The following NID2 variants were observed in gnomAD, a reference collection of about 807,000 sequenced individuals.
NID2 encodes the protein nidogen 2, also known as nidogen-2.
Under a neutral mutation model 145.4 loss-of-function variants are expected in NID2, and 83 were observed. The observed-to-expected ratio is 0.57, with a 90% CI of 0.48 to 0.69. The LOEUF is 0.69. Among genes scored for constraint, NID2 ranks in the 30% least tolerant of loss-of-function variants. The pLI is 0.00. For missense variants in NID2, 1,807 were observed against 1,765.7 expected (o/e 1.02, Z -0.42); for synonymous variants, 739 against 701.3 (o/e 1.05, Z -0.85).
rs1177011291 is a variant in NID2 at position 52,060,271 on chromosome 14, A to G, written c.620T>C (p.Leu207Pro). 6.2e-7 allele frequency: 1 copy of G among 1,613,804 alleles called. No homozygotes were observed. Among genetic ancestry groups the G allele is most frequent in the Non-Finnish European group, 8.5e-7 (1 of 1,179,940 alleles). Residue 207 changes from leucine to proline, a missense_variant, in exon 3 of 22, where the codon CTT (leucine) becomes CCT (proline). Physicochemically the swap from Leu to Pro is moderately conservative, Grantham distance 98. Transcript: ENST00000216286. Reference protein sequence around the residue: ...FLYPANGLQFLGTRPKESYNV... With the variant: ...FLYPANGLQFPGTRPKESYNV... ...GTAAGACTCTTTGGGGCGGGTTCCAAGGAACTGCAGGCCGTTGGCAGGATA... is the reference window on the plus strand; with the variant it reads ...GTAAGACTCTTTGGGGCGGGTTCCAGGGAACTGCAGGCCGTTGGCAGGATA...
intron 5 of NID2, among the ~76,000 whole-genome samples, chr14:52,044,642 T>C (rs1326434135): frequency 1.3e-5 from 2 of 152,006 alleles, no homozygotes; most frequent in Non-Finnish European, 2.9e-5. Context: ...AGACAGGGTT[T>C]TGCTCTGTCA....
intron 9 of NID2, among the ~76,000 whole-genome samples, chr14:52,035,854 G>GTATACATATATATATATATATGTA (rs1222696644): frequency 5.5e-5 from 2 of 36,078 alleles, no homozygotes; most frequent in African/African-American, 2.1e-4. Flanking sequence ...AAATTTTTTT[G>GTATACATATATATATATATATGTA]TGTATATATA....
chr14:52,061,022 G>A (rs773128324), intron 2 of NID2, among the ~76,000 whole-genome samples: 5 of 152,168 alleles, frequency 3.3e-5, no homozygotes, highest in Non-Finnish European at 5.9e-5. Flanking sequence ...GCCAGCTCTA[G>A]AGCCCACACC....
intron 13 of NID2, 141 bp from the exon 14 acceptor site, chr14:52,019,435 T>A: frequency 1.6e-6 from 1 of 626,460 alleles, no homozygotes; most frequent in South Asian, 2.4e-5. Context: ...ACCTTGCCAC[T>A]ATTTACCTCA....
chr14:52,021,815 A>G (rs920708492), intron 12 of NID2, among the ~76,000 whole-genome samples: 4 of 152,136 alleles, frequency 2.6e-5, no homozygotes, highest in East Asian at 1.9e-4. Context: ...AAATCAACCA[A>G]TGTTGTCATA....
chr14:52,049,488 G>A (rs1892617109), intron 5 of NID2, among the ~76,000 whole-genome samples: 1 of 151,974 alleles, frequency 6.6e-6, no homozygotes, highest in African/African-American at 2.4e-5. Flanking sequence ...GGGTTCACTG[G>A]GCCAACACAG....
At chr14:52,059,179 G>C (rs1892947918) in intron 3 of NID2, among the ~76,000 whole-genome samples, 2 of 152,180 alleles carry the variant, frequency 1.3e-5, no homozygotes, top group African/African-American at 4.8e-5. Context: ...GATAACATCT[G>C]GAAAGTGTTT....
chr14:52,064,681 A>C (rs1893128840), intron 2 of NID2, among the ~76,000 whole-genome samples: 3 of 152,188 alleles, frequency 2.0e-5, no homozygotes, highest in African/African-American at 7.2e-5. Flanking sequence ...CATCTGTCTT[A>C]TGTTACTGCC....
At chr14:52,064,532 T>A (rs188869526) in intron 2 of NID2, among the ~76,000 whole-genome samples, 1 of 152,260 alleles carries the variant, frequency 6.6e-6, no homozygotes, top group Admixed American at 6.5e-5. Context: ...AATAAATTAA[T>A]CCATTCCTGA....
chr14:52,007,835 A>G lies in NID2; in HGVS notation c.3855T>C (p.Ser1285=). 5 of 1,614,004 alleles carry G rather than the reference A, an allele frequency of 3.1e-6. No homozygotes were observed. The highest frequency in any genetic ancestry group is 4.2e-6 in the Non-Finnish European group (5 of 1,179,958). ...CTGCATCTGCCCAGCAGAGCAGTTT[A>G]GAGAAAGGGTCAAAGGTTAAGCCAT... ...LPNGLTFDPF[S]KLLCWADAGT... The change falls in exon 19 of 22, where the codon TCT becomes TCC. Residue 1285 remains serine (S), a synonymous_variant. Transcript: ENST00000216286.
intron 14 of NID2, among the ~76,000 whole-genome samples, chr14:52,016,697 C>T (rs1394838409): frequency 6.6e-6 from 1 of 152,196 alleles, no homozygotes; most frequent in Admixed American, 6.5e-5. Context: ...TGCCCTCACT[C>T]TCTCCAAAAC....
chr14:52,010,659 GT>G, intron 18 of NID2: 1 of 510,540 alleles, frequency 2.0e-6, no homozygotes, highest in Admixed American at 3.1e-5. Context: ...TACCAGTCTT[GT>G]TTCCTCCTAA....
intron 5 of NID2, 88 bp downstream of exon 5, chr14:52,053,491 C>T: frequency 7.2e-7 from 1 of 1,396,810 alleles, no homozygotes; most frequent in East Asian, 2.3e-5. Context: ...AACTTTTCAC[C>T]TACCCACTTA....
rs1595021003 is a variant in NID2, at chr14:52,028,719, C to T, written c.2530+3G>A. ...CACACAGGAAAATGATTTTGGAACT[C>T]ACAGATGCAAGTATGCCGGTCATCT... On this transcript the variant is annotated splice_donor_region_variant and intron_variant, in intron 11 of 21. Coordinates refer to ENST00000216286, the MANE Select transcript of NID2 (RefSeq NM_007361.4). 6.2e-7 allele frequency: 1 copy of T among 1,609,508 alleles called. No homozygotes were observed. The highest frequency in any genetic ancestry group is 1.1e-5 in the South Asian group (1 of 89,696).
chr14:52,023,989 T>C (rs1320404401), intron 12 of NID2, among the ~76,000 whole-genome samples: 1 of 152,112 alleles, frequency 6.6e-6, no homozygotes, highest in African/African-American at 2.4e-5. Flanking sequence ...CTGAGACACA[T>C]GTACCCTATG....
intron 14 of NID2, among the ~76,000 whole-genome samples, chr14:52,016,051 C>G (rs1891206060): frequency 1.3e-5 from 2 of 152,060 alleles, no homozygotes; most frequent in Non-Finnish European, 2.9e-5. Flanking sequence ...CTTTCCCCCC[C>G]TTTCTCCAGC....
chr14:52,008,076 C>G, intron 18 of NID2, 109 bp from the exon 19 acceptor site: 1 of 862,942 alleles, frequency 1.2e-6, no homozygotes, highest in African/African-American at 1.7e-5. Context: ...TAGCCTTAAG[C>G]AATCCCCTTG....
chr14:52,010,739 C>A, intron 18 of NID2, 137 bp downstream of exon 18: 1 of 811,376 alleles, frequency 1.2e-6, no homozygotes, highest in Non-Finnish European at 2.0e-6. Flanking sequence ...CCTCTTAGAT[C>A]CTCAGTAAAT....
intron 11 of NID2, among the ~76,000 whole-genome samples, chr14:52,027,689 A>ACC (rs1891640903): frequency 7.1e-6 from 1 of 141,696 alleles, no homozygotes; most frequent in South Asian, 2.3e-4. Context: ...TGTCACTTTT[A>ACC]CCCTCATCCC....
Sources: gnomAD v4.1 joint callset for allele counts (sites outside exome capture counted in the v4.1 genomes callset) on GRCh38, gnomAD v4.1.1 for gene constraint, MANE v1.5 for transcripts, NCBI Gene and HGNC (gene_info 2026-07-23, HGNC 2026-07-21) for gene names.